FGF18: variants seen among roughly 807,000 people sequenced by gnomAD.
The protein encoded by FGF18 is fibroblast growth factor 18.
A neutral mutation model predicts 23.0 loss-of-function variants in FGF18; 5 were observed. The ratio of observed to expected loss-of-function variants is 0.22; its 90% confidence interval spans 0.11 to 0.46. The LOEUF is 0.46. Among genes scored for constraint, FGF18 ranks in the 20% least tolerant of loss-of-function variants. FGF18 has a pLI of 0.99. For missense variants in FGF18, 180 were observed against 291.6 expected (o/e 0.62, Z 2.79); for synonymous variants, 117 against 118.9 (o/e 0.98, Z 0.10).
intron 4 of FGF18, among the ~76,000 whole-genome samples, chr5:171,455,347 T>G (rs1213423263): frequency 6.6e-6 from 1 of 152,244 alleles, no homozygotes; most frequent in African/African-American, 2.4e-5. Flanking sequence ...ACATCCCACA[T>G]GACATGTAAT....
chr5:171,428,917 G>A (rs913992026), intron 2 of FGF18, among the ~76,000 whole-genome samples: 6 of 152,174 alleles, frequency 3.9e-5, no homozygotes, highest in African/African-American at 1.4e-4. Context: ...ATGGGGAGAG[G>A]GAGGCCGACC....
Position 171,425,520 on chromosome 5 carries a change from C to T in FGF18, c.69+5077C>T, listed in dbSNP as rs550345730. Among the ~76,000 whole-genome samples, 222 of 133,276 alleles carry T rather than the reference C, an allele frequency of 1.7e-3. 1 individual carries two copies. The highest frequency in any genetic ancestry group is 2.7e-3 in the Non-Finnish European group (169 of 63,054). The allele number at this position is 133,276 out of a possible 152,430, so 87.4% of individuals were successfully genotyped here. ...ACTGGCATGAGCCACTGCACCTGGC[C>T]GCCATGTGCTTTTTTTTTTTTTTTT... On this transcript the variant is annotated intron_variant, in intron 2 of 4. Coordinates refer to ENST00000274625, the MANE Select transcript of FGF18 (RefSeq NM_003862.3).
chr5:171,436,634 C>T lies in FGF18; in HGVS notation c.250+361C>T, dbSNP rs1428905063. Among the ~76,000 whole-genome samples the T allele has an allele frequency of 6.6e-6, 1 of 152,162 alleles. No homozygotes were observed. Among genetic ancestry groups the T allele is most frequent in the Non-Finnish European group, 1.5e-5 (1 of 68,032 alleles). On this transcript the variant is annotated intron_variant, in intron 3 of 4. Transcript: ENST00000274625. This position sits in a 1 kb window ranked among gnomAD's most constrained non-coding sequence, Gnocchi z 4.4. ...CAGCCACTTCAAGGGGCAGGAGCCT[C>T]GAGGTGATGCTTTTAGGAAGCTGCT... is the stretch of plus-strand genomic sequence containing the variant.
chr5:171,427,697 T>C lies in FGF18; in HGVS notation c.69+7254T>C, dbSNP rs140067973. 2.8e-3 allele frequency among the ~76,000 whole-genome samples: 425 copies of C among 152,376 alleles called. 2 individuals carry two copies. The highest frequency in any genetic ancestry group is 9.4e-3 in the African/African-American group (393 of 41,592). On this transcript the variant is annotated intron_variant, in intron 2 of 4. Coordinates refer to ENST00000274625, the MANE Select transcript of FGF18 (RefSeq NM_003862.3). ...ATTTATGGGACGCTTGCTGCATACCTGGCCCTGGACTGGTTTTGAGGGGAA... is the reference window on the plus strand; with the variant it reads ...ATTTATGGGACGCTTGCTGCATACCCGGCCCTGGACTGGTTTTGAGGGGAA...
chr5:171,433,243 G>T lies in FGF18; in HGVS notation c.70-2850G>T, dbSNP rs528971362. ...CACCCGATAGCCCCTGCTGACCCTGGGTCACCCACACTGCCTCTGTCCAGT... is the reference window on the plus strand; with the variant it reads ...CACCCGATAGCCCCTGCTGACCCTGTGTCACCCACACTGCCTCTGTCCAGT... On this transcript the variant is annotated intron_variant, in intron 2 of 4. Transcript: ENST00000274625. Among the ~76,000 whole-genome samples the T allele has an allele frequency of 8.9e-4, 135 of 152,318 alleles. 1 individual carries two copies. Among genetic ancestry groups the T allele is most frequent in the Middle Eastern group, 3.4e-3 (1 of 294 alleles).
intron 2 of FGF18, among the ~76,000 whole-genome samples, chr5:171,426,832 C>T (rs1464310916): frequency 6.6e-6 from 1 of 152,262 alleles, no homozygotes; most frequent in Non-Finnish European, 1.5e-5. Context: ...GGCTGTGCTT[C>T]TTGGCAGCTG....
intron 3 of FGF18, among the ~76,000 whole-genome samples, chr5:171,444,882 G>A (rs1052511962): frequency 2.6e-5 from 4 of 152,328 alleles, no homozygotes; most frequent in Admixed American, 2.0e-4. Flanking sequence ...TGGGATAGGC[G>A]CTGGAAGTCA....
intron 4 of FGF18, among the ~76,000 whole-genome samples, chr5:171,450,550 G>C (rs550273168): frequency 2.4e-4 from 37 of 152,338 alleles, no homozygotes; most frequent in Non-Finnish European, 4.9e-4. Flanking sequence ...GGGATTCAAA[G>C]CCCGGTTTGG....
At chr5:171,423,184 C>G (rs1439257106) in intron 2 of FGF18, among the ~76,000 whole-genome samples, 1 of 152,198 alleles carries the variant, frequency 6.6e-6, no homozygotes, top group East Asian at 1.9e-4. Context: ...CTGCCCACCC[C>G]CAAAGTGGTG....
At chr5:171,447,299 G>A (rs530839158) in intron 3 of FGF18, among the ~76,000 whole-genome samples, 8 of 152,280 alleles carry the variant, frequency 5.3e-5, no homozygotes, top group African/African-American at 1.9e-4. Flanking sequence ...CTCACCCCCT[G>A]TGGGGCCTGA....
rs1771984137 is a variant in FGF18, at chr5:171,420,306, G to C, written c.32+75G>C. On this transcript the variant is annotated intron_variant, in intron 1 of 4. Coordinates refer to ENST00000274625, the MANE Select transcript of FGF18 (RefSeq NM_003862.3). ...ATGCCTGTGCCCTGTACCTCTGTCT[G>C]CCCGCCCGTCGGTTCACCTGACTCT... The C allele has an allele frequency of 1.9e-6, 3 of 1,606,972 alleles. No homozygotes were observed. The African/African-American group carries it at 4.0e-5, about 21-fold the overall frequency.
intron 4 of FGF18, among the ~76,000 whole-genome samples, chr5:171,455,084 G>C (rs1259818210): frequency 1.3e-5 from 2 of 152,214 alleles, no homozygotes; most frequent in Non-Finnish European, 2.9e-5. Context: ...CCATTAGGTA[G>C]GTGAGGAATT....
chr5:171,444,351 T>C (rs1772388505), intron 3 of FGF18, among the ~76,000 whole-genome samples: 1 of 152,206 alleles, frequency 6.6e-6, no homozygotes, highest in South Asian at 2.1e-4. Flanking sequence ...CATCACTGTG[T>C]GACTGTGGGA....
chr5:171,455,763 G>A (rs765890705), intron 4 of FGF18, among the ~76,000 whole-genome samples: 3 of 152,114 alleles, frequency 2.0e-5, no homozygotes, highest in Admixed American at 6.5e-5. Flanking sequence ...TGGATGGCTT[G>A]GGTCACTTGC....
rs1772602124 is a variant in FGF18, at chr5:171,457,375, C to T, written c.*570C>T. The T allele has an allele frequency of 6.5e-6, 1 of 152,840 alleles. No individual in the cohort carries two copies. Among genetic ancestry groups the T allele is most frequent in the Non-Finnish European group, 1.5e-5 (1 of 68,654 alleles). 9.5% of individuals were successfully genotyped at this position (152,840 alleles called of 1,614,324 possible). ...CTGGGAATTCTCCGCGCCTCGACCT[C>T]CCGACGACAGACGCCTCGTCCAATC... On this transcript the variant is annotated 3_prime_UTR_variant, in exon 5 of 5. Coordinates refer to ENST00000274625, the MANE Select transcript of FGF18 (RefSeq NM_003862.3).
chr5:171,431,211 T>C (rs541479899), intron 2 of FGF18, among the ~76,000 whole-genome samples: 8 of 152,298 alleles, frequency 5.3e-5, no homozygotes, highest in African/African-American at 1.9e-4. Flanking sequence ...GGTACTAGGC[T>C]GGGGGCTCAC....
chr5:171,445,597 CTCAGGTG>C lies in FGF18; in HGVS notation c.251-3549_251-3543del, dbSNP rs542141190. Among the ~76,000 whole-genome samples, 426 of 152,132 alleles carry C rather than the reference CTCAGGTG, an allele frequency of 2.8e-3. 3 individuals carry two copies. Among genetic ancestry groups the C allele is most frequent in the African/African-American group, 9.8e-3 (407 of 41,502 alleles). ...GCCAGGCTGGTGTCGAACTCCTGAC[CTCAGGTG>C]ATCCACCCGCCTTGGCCTCCCAAAG... On this transcript the variant is annotated intron_variant, in intron 3 of 4. Transcript: ENST00000274625.
intron 4 of FGF18, among the ~76,000 whole-genome samples, chr5:171,453,383 C>T (rs1772542287): frequency 6.6e-6 from 1 of 152,254 alleles, no homozygotes; most frequent in Non-Finnish European, 1.5e-5. Flanking sequence ...CCCAGACATG[C>T]ATTGAGCCCG....
Position 171,444,192 on chromosome 5 carries a change from G to A in FGF18, c.251-4955G>A, listed in dbSNP as rs1561889247. On this transcript the variant is annotated intron_variant, in intron 3 of 4. Transcript: ENST00000274625. ...ACTAACTTCTGCCCAAAGAAAGTGG[G>A]GTCAAAGAGAAGACCTCCCCTGCCT... is the stretch of plus-strand genomic sequence containing the variant. 2.6e-5 allele frequency among the ~76,000 whole-genome samples: 4 copies of A among 152,130 alleles called. No homozygotes were observed. In the South Asian group the frequency reaches 8.3e-4, roughly 32 times the overall value.
Sources: allele counts gnomAD v4.1 joint callset (sites outside exome capture counted in the v4.1 genomes callset), GRCh38; gene constraint gnomAD v4.1.1; non-coding constraint Gnocchi (gnomAD v3.1); transcripts MANE v1.5; gene names NCBI Gene and HGNC (gene_info 2026-07-23, HGNC 2026-07-21).